Variants in CTDSPL observed in about 807,000 individuals in gnomAD.
CTDSPL encodes CTD small phosphatase-like protein.
In CTDSPL, 8 loss-of-function variants were observed where a neutral mutation model predicts 30.5. That is an observed-to-expected ratio of 0.26 (90% CI 0.15 to 0.47). CTDSPL has a LOEUF of 0.47. Among genes scored for constraint, CTDSPL ranks in the 20% least tolerant of loss-of-function variants. The pLI is 0.99. For missense variants in CTDSPL, 248 were observed against 366.1 expected, an observed-to-expected ratio of 0.68 and a Z score of 2.63; for synonymous variants, 110 against 137.9, an observed-to-expected ratio of 0.80 and a Z score of 1.42.
chr3:37,881,738 A>G (rs979902529), intron 1 of CTDSPL, among the ~76,000 whole-genome samples: 2 of 152,172 alleles, frequency 1.3e-5, no homozygotes, highest in African/African-American at 2.4e-5. Context: ...TAGTTTCTAT[A>G]TAGTGTATGG....
intron 2 of CTDSPL, among the ~76,000 whole-genome samples, chr3:37,949,299 G>A (rs962669540): frequency 2.6e-5 from 4 of 152,128 alleles, no homozygotes; most frequent in African/African-American, 9.7e-5. Context: ...ATCCCTATTT[G>A]TTGATGCAGG....
intron 1 of CTDSPL, among the ~76,000 whole-genome samples, chr3:37,939,798 A>G (rs1698956923): frequency 6.6e-6 from 1 of 150,440 alleles, no homozygotes; most frequent in African/African-American, 2.4e-5. Context: ...GCTTCTTTCA[A>G]GAAGGCATTT....
At position 37,979,353 on chromosome 3, in the gene CTDSPL, A is replaced by C. The variant is rs547334241; in HGVS notation, c.706-1389A>C. On this transcript the variant is annotated intron_variant, in intron 7 of 7. Transcript: ENST00000273179. ...GGTGGTGGCTCATGCCTGTAATCCT[A>C]GCACTTTGGGAGGCCGAGGTGGGTG... is the stretch of plus-strand genomic sequence containing the variant. Among the ~76,000 whole-genome samples, 24 of 152,112 alleles carry C rather than the reference A, an allele frequency of 1.6e-4. No homozygotes were observed. In the South Asian group the frequency reaches 5.0e-3, roughly 32 times the overall value.
intron 4 of CTDSPL, 35 bp downstream of exon 4, chr3:37,964,707 G>GT: frequency 6.7e-7 from 1 of 1,481,524 alleles, no homozygotes; most frequent in Non-Finnish European, 9.4e-7. Context: ...CATGATCTTT[G>GT]TGATTTGATA....
At chr3:37,977,694 C>G (rs1252510754) in intron 7 of CTDSPL, among the ~76,000 whole-genome samples, 1 of 151,340 alleles carries the variant, frequency 6.6e-6, no homozygotes, top group African/African-American at 2.4e-5. Flanking sequence ...TTGAGACCAG[C>G]CTGGGCAACA....
chr3:37,915,233 A>G (rs190475550), intron 1 of CTDSPL, among the ~76,000 whole-genome samples: 2 of 152,214 alleles, frequency 1.3e-5, no homozygotes, highest in East Asian at 3.9e-4. Context: ...GGCTGCTTTT[A>G]AGATTTTCTC....
At chr3:37,980,169 A>G (rs1699473991) in intron 7 of CTDSPL, among the ~76,000 whole-genome samples, 1 of 152,320 alleles carries the variant, frequency 6.6e-6, no homozygotes, top group Non-Finnish European at 1.5e-5. Context: ...GCCTAAAACT[A>G]AGGGAAAATC....
chr3:37,946,969 G>C, intron 1 of CTDSPL, 88 bp from the exon 2 acceptor site: 4 of 1,416,856 alleles, frequency 2.8e-6, no homozygotes, highest in Non-Finnish European at 3.8e-6. Context: ...GGGTCTGGGG[G>C]GCAACTGCAC....
chr3:37,892,081 C>T (rs930806521), intron 1 of CTDSPL, among the ~76,000 whole-genome samples: 1 of 152,176 alleles, frequency 6.6e-6, no homozygotes, highest in Non-Finnish European at 1.5e-5. Flanking sequence ...TATGGATGCA[C>T]CTTAATTCAT....
At chr3:37,881,521 T>C (rs924724726) in intron 1 of CTDSPL, among the ~76,000 whole-genome samples, 4 of 152,116 alleles carry the variant, frequency 2.6e-5, no homozygotes, top group Non-Finnish European at 4.4e-5. Context: ...AGTGCGAGAC[T>C]CCGTCTCAAA....
Position 37,962,939 on chromosome 3 carries a change from A to G in CTDSPL, c.268-1632A>G, listed in dbSNP as rs73058981. On this transcript the variant is annotated intron_variant, in intron 3 of 7. Coordinates refer to ENST00000273179, the MANE Select transcript of CTDSPL (RefSeq NM_001008392.2). Reference sequence around the variant, plus strand: ...AAAAATGACCCACATTCTCTCTACTATGTTCACTTAGCTCATCACACTCTG... The same window carrying G: ...AAAAATGACCCACATTCTCTCTACTGTGTTCACTTAGCTCATCACACTCTG... Among the ~76,000 whole-genome samples, 318 of 152,326 alleles carry G rather than the reference A, an allele frequency of 2.1e-3. 2 individuals are homozygous for G. Among genetic ancestry groups the G allele is most frequent in the Non-Finnish European group, 3.9e-3 (268 of 68,016 alleles).
At chr3:37,976,302 G>GACT (rs1299432770) in intron 7 of CTDSPL, among the ~76,000 whole-genome samples, 1 of 152,168 alleles carries the variant, frequency 6.6e-6, no homozygotes, top group African/African-American at 2.4e-5. Flanking sequence ...GACCCCTGTA[G>GACT]ACTAAGGAGG....
chr3:37,963,160 A>G lies in CTDSPL; in HGVS notation c.268-1411A>G, dbSNP rs568385316. 3.2e-4 allele frequency among the ~76,000 whole-genome samples: 48 copies of G among 152,286 alleles called. 1 individual carries two copies. The South Asian group carries it at 9.5e-3, about 30-fold the overall frequency. ...GGAGGATTGCTTCCAGCTGAAAGAG[A>G]TGGGAGGCCATAAAGGCTCTTTCTT... On this transcript the variant is annotated intron_variant, in intron 3 of 7. Transcript: ENST00000273179.
At chr3:37,891,572 A>G (rs1019455576) in intron 1 of CTDSPL, among the ~76,000 whole-genome samples, 3 of 152,252 alleles carry the variant, frequency 2.0e-5, no homozygotes, top group Non-Finnish European at 2.9e-5. Flanking sequence ...CTGAATTCCT[A>G]GTAGGGAAGG....
intron 1 of CTDSPL, among the ~76,000 whole-genome samples, chr3:37,884,532 T>C (rs1698243039): frequency 6.6e-6 from 1 of 152,202 alleles, no homozygotes; most frequent in Non-Finnish European, 1.5e-5. Context: ...TTTCTAAAGA[T>C]CTTAGCAGTT....
chr3:37,978,710 G>C (rs1699456619), intron 7 of CTDSPL, among the ~76,000 whole-genome samples: 1 of 152,134 alleles, frequency 6.6e-6, no homozygotes, highest in Admixed American at 6.6e-5. Context: ...TAAACAACAA[G>C]ATGTTCCAGG....
chr3:37,935,969 A>G (rs1353367746), intron 1 of CTDSPL, among the ~76,000 whole-genome samples: 5 of 152,188 alleles, frequency 3.3e-5, no homozygotes, highest in Admixed American at 6.5e-5. Flanking sequence ...TGGGTTGGTC[A>G]TGTCAGTATT....
chr3:37,975,498 G>T lies in CTDSPL; in HGVS notation c.520-211G>T, dbSNP rs1699414802. On this transcript the variant is annotated intron_variant, in intron 6 of 7. Transcript: ENST00000273179. The surrounding 1 kb of genome is among the most constrained non-coding windows in gnomAD (Gnocchi z 4.9). ...ATGGAGTCAGGCTATCTTTGGAGATGAAACTGACAATTCCTGATGGTTGGA... is the reference window on the plus strand; with the variant it reads ...ATGGAGTCAGGCTATCTTTGGAGATTAAACTGACAATTCCTGATGGTTGGA... Among the ~76,000 whole-genome samples, 1 of 152,234 alleles carries T rather than the reference G, an allele frequency of 6.6e-6. No individual in the cohort carries two copies. Among genetic ancestry groups the T allele is most frequent in the African/African-American group, 2.4e-5 (1 of 41,448 alleles).
intron 1 of CTDSPL, among the ~76,000 whole-genome samples, chr3:37,932,145 A>C (rs1394508245): frequency 6.6e-6 from 1 of 152,212 alleles, no homozygotes; most frequent in Admixed American, 6.5e-5. Flanking sequence ...TAAATTGTTC[A>C]GTAAATATTT....
Sources: allele counts gnomAD v4.1 joint callset (sites outside exome capture counted in the v4.1 genomes callset), GRCh38; gene constraint gnomAD v4.1.1; non-coding constraint Gnocchi (gnomAD v3.1); transcripts MANE v1.5; gene names NCBI Gene and HGNC (gene_info 2026-07-23, HGNC 2026-07-21).